Variants in PROCR observed in about 807,000 individuals in gnomAD.
PROCR encodes protein C receptor.
A neutral mutation model predicts 24.2 loss-of-function variants in PROCR; 22 were observed. That is an observed-to-expected ratio of 0.91 (90% CI 0.65 to 1.30). The LOEUF is 1.30. PROCR is among the 50% of genes most tolerant of loss of function. The probability of loss-of-function intolerance (pLI) is 0.00; values close to 1 mark genes in which losing one functional copy is unlikely to be tolerated. For synonymous variants in PROCR, 137 were observed against 139.2 expected (o/e 0.98, Z 0.11); for missense variants, 288 against 307.7 (o/e 0.94, Z 0.48).
intron 1 of PROCR, among the ~76,000 whole-genome samples, chr20:35,204,899 C>A (rs911992514): frequency 7.2e-5 from 11 of 152,012 alleles, no homozygotes; most frequent in South Asian, 2.1e-4. Context: ...GCAAAGGAAT[C>A]CAGAAATATA....
chr20:35,174,621 C>T (rs1400594205), intron 1 of PROCR, 81 bp from the exon 2 acceptor site: 1 of 1,584,284 alleles, frequency 6.3e-7, no homozygotes, highest in Admixed American at 1.7e-5. Context: ...GGCGGCCAGC[C>T]TCGAGGTAGG....
chr20:35,214,813 AGACTGAGTCGGGGGATTG>A (rs1429295113), intron 1 of PROCR, among the ~76,000 whole-genome samples: 1 of 151,986 alleles, frequency 6.6e-6, no homozygotes, highest in Non-Finnish European at 1.5e-5. Flanking sequence ...CTGGACATTG[AGACTGAGTCGGGGGATTG>A]GACTGGGACC....
At chr20:35,214,688 C>CAA (rs112791426) in intron 1 of PROCR, among the ~76,000 whole-genome samples, 2,207 of 80,166 alleles carry the variant, frequency 0.028, 58 homozygotes, top group African/African-American at 0.086. Context: ...AACTCCATCT[C>CAA]AAAAAAAAAA....
At chr20:35,195,844 GAAAA>G (rs1263148533) in intron 1 of PROCR, among the ~76,000 whole-genome samples, 2 of 146,226 alleles carry the variant, frequency 1.4e-5, no homozygotes, top group African/African-American at 2.5e-5. Context: ...AAAAGAAAAA[GAAAA>G]GAAAGAAAGA....
In PROCR at chr20:35,174,733, C is replaced by T. The variant is rs1397790254; in HGVS notation, c.102C>T (p.Ser34=). The part of the protein sequence containing the change: ...GLQRLHMLQI[S]YFRDPYHVWY... ...AAAGACTTCATATGCTCCAGATCTC[C>T]TACTTCCGCGACCCCTATCACGTGT... Residue 34 remains serine, a synonymous_variant, in exon 2 of 4, where the codon TCC becomes TCT. Transcript: ENST00000216968. 6.2e-7 allele frequency: 1 copy of T among 1,614,132 alleles called. No individual in the cohort carries two copies. The highest frequency in any genetic ancestry group is 1.1e-5 in the South Asian group (1 of 91,080).
At chr20:35,207,392 G>GTATATATATA (rs11471756) in intron 1 of PROCR, among the ~76,000 whole-genome samples, 4 of 146,032 alleles carry the variant, frequency 2.7e-5, no homozygotes, top group Admixed American at 6.9e-5. Context: ...GTATGTTTGT[G>GTATATATATA]TATATATATA....
intron 1 of PROCR, among the ~76,000 whole-genome samples, chr20:35,189,114 G>A (rs934581005): frequency 2.0e-5 from 3 of 152,186 alleles, no homozygotes; most frequent in Admixed American, 2.0e-4. Flanking sequence ...CAGGGAACAA[G>A]GGAGATAACC....
At chr20:35,204,178 G>A (rs1472227219) in intron 1 of PROCR, among the ~76,000 whole-genome samples, 1 of 152,122 alleles carries the variant, frequency 6.6e-6, no homozygotes, top group South Asian at 2.1e-4. Context: ...ACAACTTAGA[G>A]GAAATGGACC....
At chr20:35,210,325 G>A (rs372222267) in intron 1 of PROCR, among the ~76,000 whole-genome samples, 53 of 152,242 alleles carry the variant, frequency 3.5e-4, no homozygotes, top group African/African-American at 1.3e-3. Context: ...TGGGAGAACT[G>A]TTTGAGCTTA....
rs188348288 is a variant in PROCR, at chr20:35,197,777, G to A, written c.95-18116G>A. 3.0e-3 allele frequency among the ~76,000 whole-genome samples: 449 copies of A among 149,712 alleles called. 1 individual carries two copies. Among genetic ancestry groups the A allele is most frequent in the Non-Finnish European group, 5.5e-3 (375 of 67,628 alleles). The stretch of plus-strand genomic sequence containing the variant: ...GCAGGGGTCACAGTGAGCCGAGATC[G>A]CGCCACTGCACTCCAGCCTGGGGGA... On this transcript the variant is annotated intron_variant, in intron 1 of 1. Coordinates refer to the PROCR transcript ENST00000634509.
chr20:35,210,654 C>T (rs2060359241), intron 1 of PROCR, among the ~76,000 whole-genome samples: 1 of 151,714 alleles, frequency 6.6e-6, no homozygotes, highest in Non-Finnish European at 1.5e-5. Context: ...TTTTAATTGC[C>T]CCGTGCAATG....
At chr20:35,188,598 T>C (rs779653477) in intron 1 of PROCR, among the ~76,000 whole-genome samples, 7 of 152,234 alleles carry the variant, frequency 4.6e-5, no homozygotes, top group South Asian at 2.1e-4. Flanking sequence ...TCTAGACTGA[T>C]ATAATAGCAC....
At chr20:35,205,753 AT>A (rs2060336752) in intron 1 of PROCR, among the ~76,000 whole-genome samples, 2 of 5,438 alleles carry the variant, frequency 3.7e-4, no homozygotes, top group Non-Finnish European at 8.9e-4. Flanking sequence ...CTCTGTCTAA[AT>A]ATATATATAT....
rs1314432465 is a variant in PROCR, at chr20:35,172,251, C to G, written c.70+27C>G. 1.1e-5 allele frequency: 17 copies of G among 1,611,914 alleles called. No homozygotes were observed. In the Admixed American group the frequency reaches 2.8e-4, roughly 27 times the overall value. ...TGAGTCGGGGGCACATCTCCTGCCT[C>G]AGGATGGTTCTGGAGAATCTCAGTC... On this transcript the variant is annotated intron_variant, in intron 1 of 3. Transcript: ENST00000216968.
rs1182324249 is a variant in PROCR at position 35,196,096 on chromosome 20, C to T, written c.94+19650C>T. On this transcript the variant is annotated intron_variant, in intron 1 of 1. Coordinates refer to the PROCR transcript ENST00000634509. ...ACTCAGGAGGCTGAGGCAGGAGAAT[C>T]GCTTGAACCCAGGAGGCAGAGGTTG... Among the ~76,000 whole-genome samples, 8 of 139,786 alleles carry T rather than the reference C, an allele frequency of 5.7e-5. 1 individual carries two copies. The South Asian group carries it at 1.1e-3, about 19-fold the overall frequency. 91.7% of individuals were successfully genotyped at this position (139,786 alleles called of 152,430 possible). A position where few individuals can be genotyped will look rare whatever the true frequency, so the allele number is the denominator to read the frequency against.
intron 1 of PROCR, among the ~76,000 whole-genome samples, chr20:35,200,978 C>T (rs2060316142): frequency 6.6e-6 from 1 of 152,032 alleles, no homozygotes; most frequent in South Asian, 2.1e-4. Flanking sequence ...CACTGGGAAA[C>T]CAAAAACCTT....
chr20:35,194,010 A>G (rs1485478644), intron 1 of PROCR, among the ~76,000 whole-genome samples: 1 of 152,188 alleles, frequency 6.6e-6, no homozygotes, highest in African/African-American at 2.4e-5. Flanking sequence ...GAGCTGAGAG[A>G]GTGGAATCTC....
chr20:35,202,818 A>G (rs2060323822), intron 1 of PROCR: 1 of 152,248 alleles, frequency 6.6e-6, no homozygotes, highest in South Asian at 2.1e-4. Flanking sequence ...AAAAGGATAT[A>G]TAAAACCTGG....
downstream of PROCR, among the ~76,000 whole-genome samples, chr20:35,179,125 C>G (rs985230953): frequency 6.7e-6 from 1 of 148,182 alleles, no homozygotes; most frequent in South Asian, 2.2e-4. Context: ...CCCAGCTCCT[C>G]GGGAGGCTGA....
Sources: gnomAD v4.1 joint callset for allele counts (sites outside exome capture counted in the v4.1 genomes callset) on GRCh38, gnomAD v4.1.1 for gene constraint, MANE v1.5 for transcripts, NCBI Gene and HGNC (gene_info 2026-07-23, HGNC 2026-07-21) for gene names.